Variants in JMJD1C observed in about 807,000 individuals in gnomAD.
JMJD1C encodes jumonji domain containing 1C, also known as jumonji domain-containing protein 1C.
JMJD1C carries 31 observed loss-of-function variants against 245.3 expected under a neutral mutation model. That is an observed-to-expected ratio of 0.13 (90% confidence interval 0.09 to 0.17). The LOEUF (loss-of-function observed/expected upper bound fraction) is 0.17, where lower values mean the gene tolerates loss of function less well. Among genes scored for constraint, JMJD1C ranks in the 10% least tolerant of loss-of-function variants. The probability of loss-of-function intolerance (pLI) is 1.00; values close to 1 mark genes in which losing one functional copy is unlikely to be tolerated. For synonymous variants in JMJD1C, 1,057 were observed against 1,017.4 expected, an observed-to-expected ratio of 1.04 and a Z score of -0.74; for missense variants, 2,691 against 3,000.2, an observed-to-expected ratio of 0.90 and a Z score of 2.41.
intron 2 of JMJD1C, among the ~76,000 whole-genome samples, chr10:63,337,579 A>G (rs1942906272): frequency 1.2e-5 from 1 of 86,956 alleles, no homozygotes; most frequent in African/African-American, 7.6e-5. Flanking sequence ...AAAAGAAAAG[A>G]AAAGAAAAGA....
chr10:63,238,189 A>AAAAATAT (rs1554850613), intron 3 of JMJD1C, among the ~76,000 whole-genome samples: 1 of 135,710 alleles, frequency 7.4e-6, no homozygotes. Flanking sequence ...TCAAAAAAAA[A>AAAAATAT]AAAAAAGAAA....
chr10:63,392,909 C>CACACACGT (rs60946505), intron 1 of JMJD1C, among the ~76,000 whole-genome samples: 4 of 144,940 alleles, frequency 2.8e-5, no homozygotes, highest in Non-Finnish European at 6.0e-5. Flanking sequence ...CACACACACA[C>CACACACGT]GTGAGCAAAG....
intron 2 of JMJD1C, among the ~76,000 whole-genome samples, chr10:63,344,276 A>C (rs1382442863): frequency 3.3e-5 from 5 of 152,128 alleles, no homozygotes; most frequent in Non-Finnish European, 4.4e-5. Flanking sequence ...ATACACAAAA[A>C]CTTACCATTG....
chr10:63,314,163 T>A (rs932110344), intron 2 of JMJD1C, among the ~76,000 whole-genome samples: 3 of 152,236 alleles, frequency 2.0e-5, no homozygotes, highest in Non-Finnish European at 2.9e-5. Flanking sequence ...CCAGCACTAT[T>A]TGTTGAATAG....
In JMJD1C at chr10:63,214,688, C is replaced by T; in HGVS notation, c.1479G>A (p.Leu493=). Residue 493 remains leucine (L), a synonymous_variant, in exon 8 of 26, where the codon TTG becomes TTA. Coordinates refer to ENST00000399262, the MANE Select transcript of JMJD1C (RefSeq NM_032776.3). ...TGGATACAAACTTCTCCTTTGGTAG[C>T]AATTCCATGGTATGTGTTTTATCCA... is the stretch of plus-strand genomic sequence containing the variant. The part of the protein sequence containing the change: ...CNMDKTHTME[L]LPKEKFVSRP... 4 of 1,613,860 alleles carry T rather than the reference C, an allele frequency of 2.5e-6. No individual in the cohort carries two copies. Among genetic ancestry groups the T allele is most frequent in the Non-Finnish European group, 3.4e-6 (4 of 1,179,850 alleles).
At chr10:63,463,669 TC>T (rs1952962713) in intron 1 of JMJD1C, among the ~76,000 whole-genome samples, 1 of 152,144 alleles carries the variant, frequency 6.6e-6, no homozygotes, top group South Asian at 2.1e-4. Flanking sequence ...TTAAAAAAAC[TC>T]ATCAAGGGTT....
intron 10 of JMJD1C, chr10:63,204,325 G>C (rs981258912): frequency 3.0e-6 from 3 of 985,122 alleles, no homozygotes; most frequent in Non-Finnish European, 3.6e-6. Context: ...TTACAACCTG[G>C]GGGAAAAAAA....
chr10:63,194,059 T>C (rs1845166937), intron 14 of JMJD1C, among the ~76,000 whole-genome samples: 2 of 152,260 alleles, frequency 1.3e-5, no homozygotes, highest in South Asian at 4.1e-4. Flanking sequence ...ATAGGCCTTT[T>C]CATTACACTC....
chr10:63,172,821 G>A (rs2132762365), intron 24 of JMJD1C, among the ~76,000 whole-genome samples: 1 of 150,098 alleles, frequency 6.7e-6, no homozygotes, highest in South Asian at 2.2e-4. Flanking sequence ...AAAACCCTGG[G>A]GGAGGGGGGA....
At chr10:63,199,804 A>G (rs1208133048) in intron 11 of JMJD1C, among the ~76,000 whole-genome samples, 1 of 152,198 alleles carries the variant, frequency 6.6e-6, no homozygotes, top group Non-Finnish European at 1.5e-5. Flanking sequence ...AGCATAGAGT[A>G]TTCAGCAGAG....
intron 2 of JMJD1C, among the ~76,000 whole-genome samples, chr10:63,310,312 C>T (rs550320739): frequency 1.1e-4 from 17 of 152,184 alleles, no homozygotes; most frequent in African/African-American, 4.1e-4. Flanking sequence ...TTGAAAACTG[C>T]CAAGAATAGC....
intron 3 of JMJD1C, among the ~76,000 whole-genome samples, chr10:63,260,080 T>A (rs970529960): frequency 6.6e-6 from 1 of 152,228 alleles, no homozygotes; most frequent in Non-Finnish European, 1.5e-5. Flanking sequence ...GTCTAGGATT[T>A]ATGATTCTAC....
At chr10:63,267,165 A>T (rs1384208461) in intron 2 of JMJD1C, among the ~76,000 whole-genome samples, 1 of 152,202 alleles carries the variant, frequency 6.6e-6, no homozygotes, top group Non-Finnish European at 1.5e-5. Flanking sequence ...AATAGCAAAT[A>T]AAAAGTGCTG....
chr10:63,430,561 A>AC (rs1825936182), intron 1 of JMJD1C, among the ~76,000 whole-genome samples: 3 of 152,194 alleles, frequency 2.0e-5, no homozygotes, highest in Admixed American at 6.5e-5. Context: ...AAGAGAGTAG[A>AC]TAAGCGGTTG....
chr10:63,507,427 G>A (rs554715548), intron 1 of JMJD1C, among the ~76,000 whole-genome samples: 72 of 151,840 alleles, frequency 4.7e-4, no homozygotes, highest in African/African-American at 1.6e-3. Flanking sequence ...GGGGATCACC[G>A]GAAGTCAGGA....
chr10:63,349,110 A>AG (rs1944115850), intron 2 of JMJD1C, among the ~76,000 whole-genome samples: 1 of 145,150 alleles, frequency 6.9e-6, no homozygotes, highest in Non-Finnish European at 1.5e-5. Flanking sequence ...CAAAAAAAAA[A>AG]AAAAAAAAAA....
intron 3 of JMJD1C, among the ~76,000 whole-genome samples, chr10:63,231,137 C>T (rs1849934036): frequency 6.6e-6 from 1 of 152,120 alleles, no homozygotes; most frequent in African/African-American, 2.4e-5. Flanking sequence ...CCAACACTCC[C>T]CCCTCAAGAA....
At chr10:63,193,179 A>C in intron 15 of JMJD1C, 28 bp from the exon 16 acceptor site, 1 of 1,575,336 alleles carries the variant, frequency 6.3e-7, no homozygotes, top group Non-Finnish European at 8.7e-7. Flanking sequence ...TTACATTTTT[A>C]AACACTTTCT....
chr10:63,344,975 A>T (rs1224852636), intron 2 of JMJD1C, among the ~76,000 whole-genome samples: 1 of 152,222 alleles, frequency 6.6e-6, no homozygotes, highest in African/African-American at 2.4e-5. Flanking sequence ...GGCAGCTGCT[A>T]TTTATAAAAT....
Sources: gnomAD v4.1 joint callset for allele counts (sites outside exome capture counted in the v4.1 genomes callset) on GRCh38, gnomAD v4.1.1 for gene constraint, MANE v1.5 for transcripts, NCBI Gene and HGNC (gene_info 2026-07-23, HGNC 2026-07-21) for gene names.